Variants in ZBTB20 observed in about 807,000 individuals in gnomAD.
ZBTB20 encodes zinc finger and BTB domain-containing protein 20.
Under a neutral mutation model 56.9 loss-of-function variants are expected in ZBTB20, and 9 were observed. That is an observed-to-expected ratio of 0.16 (90% CI 0.10 to 0.28). ZBTB20 has a LOEUF of 0.28. Ranked by LOEUF, ZBTB20 falls within the 10% of genes least tolerant of loss-of-function variation. The probability of loss-of-function intolerance (pLI) is 1.00; values close to 1 mark genes in which losing one functional copy is unlikely to be tolerated. For synonymous variants in ZBTB20, 417 were observed against 420.7 expected (o/e 0.99, Z 0.11); for missense variants, 655 against 1,003.0 (o/e 0.65, Z 4.69).
In ZBTB20 at chr3:114,397,999, T is replaced by C. The variant is rs149883067; in HGVS notation, c.-254-8894A>G. 3.0e-3 allele frequency among the ~76,000 whole-genome samples: 451 copies of C among 152,270 alleles called. 4 individuals are homozygous for C. The highest frequency in any genetic ancestry group is 0.01 in the African/African-American group (418 of 41,568). On this transcript the variant is annotated intron_variant, in intron 7 of 11. Transcript: ENST00000675478. The stretch of plus-strand genomic sequence containing the variant: ...CACATGGTCTAAACTGGTTAACTTA[T>C]AGGGTGTCAGAAAGACTAAGCACAT...
At chr3:114,545,141 C>T (rs1187759962) in intron 6 of ZBTB20, among the ~76,000 whole-genome samples, 1 of 152,152 alleles carries the variant, frequency 6.6e-6, no homozygotes, top group Non-Finnish European at 1.5e-5. Flanking sequence ...GATATGTATG[C>T]TTCTGGGTAG....
chr3:114,473,489 C>T (rs1283975856), intron 7 of ZBTB20, among the ~76,000 whole-genome samples: 1 of 152,010 alleles, frequency 6.6e-6, no homozygotes, highest in Non-Finnish European at 1.5e-5. Context: ...GGTTTTGTAG[C>T]CCGGCAATTT....
intron 3 of ZBTB20, among the ~76,000 whole-genome samples, chr3:114,902,430 C>T (rs1206696263): frequency 6.6e-6 from 1 of 152,190 alleles, no homozygotes; most frequent in African/African-American, 2.4e-5. Flanking sequence ...TGTTTAGACA[C>T]AGCTCACATG....
chr3:114,387,885 G>A (rs898856250), intron 8 of ZBTB20: 12 of 152,152 alleles, frequency 7.9e-5, no homozygotes, highest in African/African-American at 2.9e-4. Context: ...ATTCCCCTCC[G>A]GGAAAGGCAG....
At chr3:115,112,998 A>C (rs925056907) in intron 1 of ZBTB20, among the ~76,000 whole-genome samples, 1 of 152,110 alleles carries the variant, frequency 6.6e-6, no homozygotes, top group Non-Finnish European at 1.5e-5. Flanking sequence ...TGACCAGTGT[A>C]AGATGTTATC....
chr3:114,320,583 T>C lies in ZBTB20; in HGVS notation c.*18422A>G, dbSNP rs943224928. On this transcript the variant is annotated 3_prime_UTR_variant, in exon 12 of 12. Coordinates refer to ENST00000675478, the MANE Select transcript of ZBTB20 (RefSeq NM_001348800.3). ...CTACTCTTAGATTTCTAACTCAACA[T>C]AGTTAACCACTGCTCTTCTGTCTTT... The C allele has an allele frequency of 3.3e-5, 5 of 152,236 alleles. No homozygotes were observed. Among genetic ancestry groups the C allele is most frequent in the Non-Finnish European group, 7.3e-5 (5 of 68,040 alleles). 9.4% of individuals were successfully genotyped at this position (152,236 alleles called of 1,614,324 possible). A position where few individuals can be genotyped will look rare whatever the true frequency, so the allele number is the denominator to read the frequency against.
At chr3:114,855,116 G>A (rs983337335) in intron 4 of ZBTB20, among the ~76,000 whole-genome samples, 1 of 152,152 alleles carries the variant, frequency 6.6e-6, no homozygotes, top group African/African-American at 2.4e-5. Flanking sequence ...TTATGTGTGT[G>A]TTATAAGTAT....
In ZBTB20 at chr3:114,456,572, T is replaced by C. The variant is rs537753682; in HGVS notation, c.-255+43780A>G. ...GAGATTTTCCACCTGGAGAATTAGG[T>C]ATGTACAACCTTTCCAATATATTTC... On this transcript the variant is annotated intron_variant, in intron 7 of 11. Coordinates refer to ENST00000675478, the MANE Select transcript of ZBTB20 (RefSeq NM_001348800.3). 5.9e-5 allele frequency among the ~76,000 whole-genome samples: 9 copies of C among 152,306 alleles called. No homozygotes were observed. In the South Asian group the frequency reaches 1.7e-3, roughly 28 times the overall value.
chr3:114,673,387 A>G (rs972494609), intron 6 of ZBTB20, among the ~76,000 whole-genome samples: 1 of 152,140 alleles, frequency 6.6e-6, no homozygotes. Context: ...AAATGCCTTG[A>G]GCCCCTTGGA....
At chr3:114,671,150 A>G (rs2061339469) in intron 6 of ZBTB20, among the ~76,000 whole-genome samples, 1 of 152,086 alleles carries the variant, frequency 6.6e-6, no homozygotes, top group African/African-American at 2.4e-5. Flanking sequence ...ATTATTTTTA[A>G]CCTAAAGACT....
Position 114,317,381 on chromosome 3 carries a change from C to T in ZBTB20, c.*21624G>A, listed in dbSNP as rs751728913. On this transcript the variant is annotated 3_prime_UTR_variant, in exon 12 of 12. Coordinates refer to ENST00000675478, the MANE Select transcript of ZBTB20 (RefSeq NM_001348800.3). ...CTAAACACACCCACACCACCCCCAACCCCCCATGCCCACCCCACACCAAAA... is the reference window on the plus strand; with the variant it reads ...CTAAACACACCCACACCACCCCCAATCCCCCATGCCCACCCCACACCAAAA... The T allele has an allele frequency of 3.4e-5, 5 of 145,714 alleles. No homozygotes were observed. Among genetic ancestry groups the T allele is most frequent in the East Asian group, 2.0e-4 (1 of 4,890 alleles). 9.0% of individuals were successfully genotyped at this position (145,714 alleles called of 1,614,324 possible).
intron 2 of ZBTB20, among the ~76,000 whole-genome samples, chr3:115,021,203 G>A (rs995278258): frequency 6.6e-6 from 1 of 150,816 alleles, no homozygotes. Context: ...TTCTTTTCCT[G>A]AATAATAGCT....
At chr3:114,787,052 G>T (rs1035079740) in intron 5 of ZBTB20, among the ~76,000 whole-genome samples, 3 of 151,898 alleles carry the variant, frequency 2.0e-5, no homozygotes, top group Non-Finnish European at 1.5e-5. Flanking sequence ...ATGGTTCACT[G>T]CAGTCTCAAC....
chr3:114,670,190 C>A (rs960049407), intron 6 of ZBTB20, among the ~76,000 whole-genome samples: 1 of 151,868 alleles, frequency 6.6e-6, no homozygotes, highest in African/African-American at 2.4e-5. Context: ...CTGCAATTAC[C>A]CTCTTGTGTT....
chr3:114,874,956 T>C (rs1171749947), intron 4 of ZBTB20, among the ~76,000 whole-genome samples: 1 of 152,176 alleles, frequency 6.6e-6, no homozygotes, highest in African/African-American at 2.4e-5. Context: ...GGAGGAGCTT[T>C]CTATGTGTAA....
intron 6 of ZBTB20, among the ~76,000 whole-genome samples, chr3:114,520,507 G>A (rs1438770990): frequency 5.9e-5 from 9 of 152,154 alleles, no homozygotes; most frequent in Non-Finnish European, 5.9e-5. Flanking sequence ...GATAGGATGT[G>A]TGTTGGTTTG....
intron 7 of ZBTB20, among the ~76,000 whole-genome samples, chr3:114,497,962 TG>T (rs1000436025): frequency 6.6e-6 from 1 of 152,202 alleles, no homozygotes; most frequent in African/African-American, 2.4e-5. Flanking sequence ...TGGCAGGGGC[TG>T]GTGACTGGCT....
At chr3:114,452,000 C>G (rs1057031028) in intron 7 of ZBTB20, among the ~76,000 whole-genome samples, 1 of 151,900 alleles carries the variant, frequency 6.6e-6, no homozygotes, top group South Asian at 2.1e-4. Flanking sequence ...CAGTAACAGC[C>G]TGTTATCCCA....
intron 7 of ZBTB20, among the ~76,000 whole-genome samples, chr3:114,469,244 G>C (rs1279470618): frequency 6.6e-6 from 1 of 152,052 alleles, no homozygotes; most frequent in Non-Finnish European, 1.5e-5. Flanking sequence ...AGCAAATAAA[G>C]TTTTACTTCA....
Sources: gnomAD v4.1 joint callset for allele counts (sites outside exome capture counted in the v4.1 genomes callset) on GRCh38, gnomAD v4.1.1 for gene constraint, MANE v1.5 for transcripts, NCBI Gene and HGNC (gene_info 2026-07-23, HGNC 2026-07-21) for gene names.